ABCB5: variants seen among roughly 807,000 people sequenced by gnomAD.
ABCB5 encodes ATP binding cassette subfamily B member 5.
Under a neutral mutation model 144.2 loss-of-function variants are expected in ABCB5, and 155 were observed. The ratio of observed to expected loss-of-function variants is 1.08; its 90% CI spans 0.94 to 1.23. ABCB5 has a LOEUF of 1.23. ABCB5 is among the 50% of genes most tolerant of loss of function. ABCB5 has a pLI of 0.00. For synonymous variants in ABCB5, 610 were observed against 528.6 expected, an observed-to-expected ratio of 1.15 and a Z score of -2.11; for missense variants, 1,830 against 1,520.8, an observed-to-expected ratio of 1.20 and a Z score of -3.38.
chr7:20,643,461 T>C lies in ABCB5; in HGVS notation c.507T>C (p.Asp169=), dbSNP rs1177907157. 1 of 1,613,870 alleles carries C rather than the reference T, an allele frequency of 6.2e-7. No homozygotes were observed. Among genetic ancestry groups the C allele is most frequent in the African/African-American group, 1.3e-5 (1 of 74,930 alleles). Reference sequence around the variant, plus strand: ...AACTACATTTATTTGCTTGTTTCAGTGACATTGACAAAATCAGTGATGGTA... The same window carrying C: ...AACTACATTTATTTGCTTGTTTCAGCGACATTGACAAAATCAGTGATGGTA... The part of the protein sequence containing the change: ...DIGELNTRMT[D]DIDKISDGIG... The change falls in exon 7 of 28, where the codon GAT becomes GAC. Residue 169 remains aspartate, a splice_region_variant and synonymous_variant. Coordinates refer to ENST00000404938, the MANE Select transcript of ABCB5 (RefSeq NM_001163941.2).
At chr7:20,652,694 AG>A (rs1203369801) in intron 13 of ABCB5, among the ~76,000 whole-genome samples, 1 of 152,276 alleles carries the variant, frequency 6.6e-6, no homozygotes, top group Non-Finnish European at 1.5e-5. Context: ...ATGGGTATTT[AG>A]AATTAATGGG....
chr7:20,749,826 A>C (rs942519294), intron 26 of ABCB5, among the ~76,000 whole-genome samples: 1 of 152,168 alleles, frequency 6.6e-6, no homozygotes, highest in Non-Finnish European at 1.5e-5. Context: ...GTAGAATTTC[A>C]GTAGTCAAGG....
intron 13 of ABCB5, among the ~76,000 whole-genome samples, chr7:20,653,317 C>T (rs1784665958): frequency 6.6e-6 from 1 of 152,046 alleles, no homozygotes; most frequent in Admixed American, 6.6e-5. Flanking sequence ...AATTCCACAG[C>T]CATAGCTAAC....
At chr7:20,722,664 A>G (rs1369921319) in intron 20 of ABCB5, among the ~76,000 whole-genome samples, 1 of 152,120 alleles carries the variant, frequency 6.6e-6, no homozygotes, top group African/African-American at 2.4e-5. Context: ...TACTAAAAAT[A>G]TAAAAAAATT....
At chr7:20,641,717 A>C (rs1334104690) in intron 5 of ABCB5, 1 of 152,740 alleles carries the variant, frequency 6.5e-6, no homozygotes, top group Non-Finnish European at 1.5e-5. Context: ...CTTCTCAGCA[A>C]GAATCATGAA....
Position 20,680,998 on chromosome 7 carries a change from CTTTCTTTCTT to C in ABCB5, c.1708-505_1708-496del, listed in dbSNP as rs1343535381. On this transcript the variant is annotated intron_variant, in intron 14 of 27. Coordinates refer to ENST00000404938, the MANE Select transcript of ABCB5 (RefSeq NM_001163941.2). ...TCTTTCTTTCTTTCTTTCTTTCTTT[CTTTCTTTCTT>C]TCTTTCTTTCTTTCTTTCTTTCTTT... 6.2e-4 allele frequency among the ~76,000 whole-genome samples: 69 copies of C among 111,558 alleles called. 1 individual carries two copies. The highest frequency in any genetic ancestry group is 1.0e-3 in the African/African-American group (25 of 24,830). The allele number at this position is 111,558 out of a possible 152,430, so 73.2% of individuals were successfully genotyped here.
At chr7:20,685,097 C>T (rs1785951166) in intron 15 of ABCB5, among the ~76,000 whole-genome samples, 2 of 152,158 alleles carry the variant, frequency 1.3e-5, no homozygotes, top group African/African-American at 4.8e-5. Context: ...GTGATCCGCA[C>T]GTCTCGGTTT....
At chr7:20,638,081 G>T (rs528044677) in intron 5 of ABCB5, among the ~76,000 whole-genome samples, 1 of 152,088 alleles carries the variant, frequency 6.6e-6, no homozygotes, top group African/African-American at 2.4e-5. Context: ...ACTCGAGTGT[G>T]TTGTTTTGTT....
chr7:20,740,081 T>C (rs974392447), intron 24 of ABCB5, among the ~76,000 whole-genome samples: 1 of 151,758 alleles, frequency 6.6e-6, no homozygotes, highest in Non-Finnish European at 1.5e-5. Context: ...AATAAAAAAA[T>C]TAAAAAAATT....
chr7:20,655,008 A>G (rs1784726440), intron 13 of ABCB5, among the ~76,000 whole-genome samples: 1 of 151,960 alleles, frequency 6.6e-6, no homozygotes, highest in Non-Finnish European at 1.5e-5. Flanking sequence ...ACTGAAAAAC[A>G]TCAATTACTG....
At position 20,711,812 on chromosome 7, in the gene ABCB5, C is replaced by CTT. The variant is rs1209403603; in HGVS notation, c.2421+7007_2421+7008dup. 1.6e-4 allele frequency among the ~76,000 whole-genome samples: 8 copies of CTT among 49,088 alleles called. 1 individual carries two copies. The highest frequency in any genetic ancestry group is 2.6e-4 in the Admixed American group (1 of 3,854). The allele number at this position is 49,088 out of a possible 152,430, so 32.2% of individuals were successfully genotyped here. A position where few individuals can be genotyped will look rare whatever the true frequency, so the allele number is the denominator to read the frequency against. ...TCTTTCTTTCTTTCTTTCTTTCTTT[C>CTT]TTTCTTTCTTTCTTTCTTTCTTTCT... On this transcript the variant is annotated intron_variant, in intron 20 of 27. Transcript: ENST00000404938.
At chr7:20,617,608 C>T (rs919593208) in intron 1 of ABCB5, among the ~76,000 whole-genome samples, 1 of 152,070 alleles carries the variant, frequency 6.6e-6, no homozygotes. Context: ...CAAACCACTT[C>T]GACAATCTTG....
chr7:20,655,456 G>C (rs1231639980), intron 13 of ABCB5, among the ~76,000 whole-genome samples: 1 of 151,776 alleles, frequency 6.6e-6, no homozygotes, highest in Non-Finnish European at 1.5e-5. Context: ...CTGGGCAACA[G>C]AGCAAGACTC....
intron 14 of ABCB5, among the ~76,000 whole-genome samples, chr7:20,668,415 C>A (rs1344465175): frequency 3.9e-3 from 582 of 149,708 alleles, no homozygotes; most frequent in African/African-American, 0.014. Flanking sequence ...TGGGCCGCAA[C>A]CCTGTCTGGG....
chr7:20,709,758 A>G (rs1219814183), intron 20 of ABCB5, among the ~76,000 whole-genome samples: 1 of 149,872 alleles, frequency 6.7e-6, no homozygotes. Context: ...GACAGCCTAA[A>G]CAATAGGTAA....
intron 2 of ABCB5, among the ~76,000 whole-genome samples, chr7:20,624,003 T>G (rs1038694363): frequency 6.6e-6 from 1 of 152,178 alleles, no homozygotes; most frequent in African/African-American, 2.4e-5. Flanking sequence ...CTAAAGCAAA[T>G]TCCATTTAGG....
chr7:20,734,358 G>A (rs571714454), intron 23 of ABCB5, among the ~76,000 whole-genome samples: 89 of 150,668 alleles, frequency 5.9e-4, no homozygotes, highest in African/African-American at 2.1e-3. Flanking sequence ...CTAAACCAAT[G>A]GTTTTCCAAC....
chr7:20,701,669 T>C (rs953996800), intron 19 of ABCB5, among the ~76,000 whole-genome samples: 1 of 152,228 alleles, frequency 6.6e-6, no homozygotes, highest in Non-Finnish European at 1.5e-5. Flanking sequence ...TAGCTTCTGC[T>C]AATAAGGATG....
intron 1 of ABCB5, among the ~76,000 whole-genome samples, chr7:20,620,790 G>T (rs76073431): frequency 1.3e-5 from 2 of 152,086 alleles, no homozygotes; most frequent in East Asian, 1.9e-4. Flanking sequence ...TACATTGCTC[G>T]TAGGAATGTA....
Sources: gnomAD v4.1 joint callset for allele counts (sites outside exome capture counted in the v4.1 genomes callset) on GRCh38, gnomAD v4.1.1 for gene constraint, MANE v1.5 for transcripts, NCBI Gene and HGNC (gene_info 2026-07-23, HGNC 2026-07-21) for gene names.